Variants in VAV2 observed in about 807,000 individuals in gnomAD.
The protein encoded by VAV2 is vav guanine nucleotide exchange factor 2.
Under a neutral mutation model 132.5 loss-of-function variants are expected in VAV2, and 67 were observed. That is an observed-to-expected ratio of 0.51 (90% CI 0.42 to 0.62). The LOEUF is 0.62. Among genes scored for constraint, VAV2 ranks in the 20% least tolerant of loss-of-function variants. VAV2 has a pLI of 0.00. For synonymous variants in VAV2, 492 were observed against 443.5 expected (o/e 1.11, Z -1.37); for missense variants, 938 against 1,153.6 (o/e 0.81, Z 2.71).
chr9:133,877,154 C>T (rs1295375171), intron 2 of VAV2, among the ~76,000 whole-genome samples: 1 of 152,194 alleles, frequency 6.6e-6, no homozygotes, highest in Non-Finnish European at 1.5e-5. Flanking sequence ...CTGCTAGACC[C>T]CCTTCTGCCA....
chr9:133,965,379 G>A (rs1374919565), intron 1 of VAV2, among the ~76,000 whole-genome samples: 2 of 150,894 alleles, frequency 1.3e-5, no homozygotes, highest in African/African-American at 4.9e-5. Context: ...GGAACCTATA[G>A]TCCCAGCTAC....
At chr9:133,951,880 G>A (rs540651464) in intron 1 of VAV2, among the ~76,000 whole-genome samples, 5 of 152,114 alleles carry the variant, frequency 3.3e-5, no homozygotes, top group Admixed American at 6.5e-5. Context: ...CCCACAGCCC[G>A]GGAAGCTTGT....
chr9:133,791,732 T>C (rs1286952383), intron 13 of VAV2, 51 bp downstream of exon 13: 2 of 1,510,162 alleles, frequency 1.3e-6, no homozygotes, highest in Non-Finnish European at 1.8e-6. Context: ...CGTGACTTTA[T>C]AGGTACGTCC....
chr9:133,960,415 C>G (rs548142697), intron 1 of VAV2, among the ~76,000 whole-genome samples: 1 of 152,324 alleles, frequency 6.6e-6, no homozygotes, highest in African/African-American at 2.4e-5. Flanking sequence ...GGGGACCCCA[C>G]TGGAGCCTCA....
intron 2 of VAV2, among the ~76,000 whole-genome samples, chr9:133,896,459 A>T (rs1839209274): frequency 6.6e-6 from 1 of 152,202 alleles, no homozygotes; most frequent in Non-Finnish European, 1.5e-5. Flanking sequence ...GTCTCAAAAA[A>T]ATAAATAAAT....
rs1834633439 is a variant in VAV2 at position 133,794,613 on chromosome 9, G to A, written c.1101+1055C>T. Among the ~76,000 whole-genome samples the A allele has an allele frequency of 1.3e-5, 2 of 152,228 alleles. No homozygotes were observed. The highest frequency in any genetic ancestry group is 1.3e-4 in the Admixed American group (2 of 15,294). On this transcript the variant is annotated intron_variant, in intron 12 of 29. Transcript: ENST00000371850. This position sits in a 1 kb window ranked among gnomAD's most constrained non-coding sequence, Gnocchi z 4.6. ...AGGGGGCCCAAAGCCCAGGGGGGCT[G>A]CCCAGAGGGCAGGGGCCAGGTGTCA...
At chr9:133,947,992 C>A (rs569878797) in intron 1 of VAV2, among the ~76,000 whole-genome samples, 20 of 152,194 alleles carry the variant, frequency 1.3e-4, no homozygotes, top group Non-Finnish European at 2.8e-4. Flanking sequence ...GCTTTCCCCA[C>A]GTTGGCCAGG....
chr9:133,880,570 G>A (rs1399232110), intron 2 of VAV2, among the ~76,000 whole-genome samples: 1 of 152,200 alleles, frequency 6.6e-6, no homozygotes, highest in African/African-American at 2.4e-5. Flanking sequence ...CCGCCCAGGG[G>A]ACCAAGAGAT....
intron 25 of VAV2, among the ~76,000 whole-genome samples, chr9:133,774,305 A>G (rs996365336): frequency 2.4e-4 from 36 of 152,172 alleles, no homozygotes; most frequent in African/African-American, 8.0e-4. Context: ...GGCAAGGCCC[A>G]TCTTAGCCTC....
intron 9 of VAV2, among the ~76,000 whole-genome samples, chr9:133,798,169 GA>G (rs747509842): frequency 5.1e-4 from 78 of 152,256 alleles, no homozygotes; most frequent in Non-Finnish European, 9.6e-4. Flanking sequence ...ATCCCCCCAG[GA>G]AAGAAGACCC....
At chr9:133,887,370 G>A (rs775965475) in intron 2 of VAV2, among the ~76,000 whole-genome samples, 10 of 152,168 alleles carry the variant, frequency 6.6e-5, no homozygotes, top group Admixed American at 2.0e-4. Flanking sequence ...GCATGCCCCA[G>A]CAGAAGCTGG....
chr9:133,958,703 G>A (rs1841871545), intron 1 of VAV2, among the ~76,000 whole-genome samples: 1 of 152,166 alleles, frequency 6.6e-6, no homozygotes, highest in Non-Finnish European at 1.5e-5. Flanking sequence ...CACCTTACGA[G>A]AAACACCCAC....
intron 4 of VAV2, among the ~76,000 whole-genome samples, chr9:133,812,496 T>G (rs1359020161): frequency 6.6e-6 from 1 of 152,168 alleles, no homozygotes; most frequent in African/African-American, 2.4e-5. Context: ...TCTCCAGCCC[T>G]TTGGTAAATG....
chr9:133,762,757 T>TCC lies in VAV2; in HGVS notation c.*1303_*1304dup, dbSNP rs1833301741. ...GCCAACCTCAGAAGGAGCCCCTAGG[T>TCC]CCCCAGCGCCACCCACAGCAGGGAC... On this transcript the variant is annotated 3_prime_UTR_variant, in exon 30 of 30. Transcript: ENST00000371850. This position sits in a 1 kb window ranked among gnomAD's most constrained non-coding sequence, Gnocchi z 5.0. The TCC allele has an allele frequency of 6.6e-6, 1 of 152,598 alleles. No homozygotes were observed. Among genetic ancestry groups the TCC allele is most frequent in the African/African-American group, 2.4e-5 (1 of 41,512 alleles). The allele number at this position is 152,598 out of a possible 1,614,324, so 9.5% of individuals were successfully genotyped here. A position where few individuals can be genotyped will look rare whatever the true frequency, so the allele number is the denominator to read the frequency against.
intron 4 of VAV2, among the ~76,000 whole-genome samples, chr9:133,821,948 C>A (rs908387563): frequency 6.6e-6 from 1 of 152,222 alleles, no homozygotes; most frequent in African/African-American, 2.4e-5. Context: ...CTGACAGATG[C>A]TAAATCCCGA....
intron 2 of VAV2, among the ~76,000 whole-genome samples, chr9:133,875,681 G>A (rs1020138030): frequency 2.0e-5 from 3 of 152,280 alleles, no homozygotes; most frequent in Middle Eastern, 3.4e-3. Context: ...GAGAAACACC[G>A]CAGGAACACA....
chr9:133,961,052 G>T lies in VAV2; in HGVS notation c.205-21833C>A, dbSNP rs1163393149. Among the ~76,000 whole-genome samples, 1 of 152,224 alleles carries T rather than the reference G, an allele frequency of 6.6e-6. No homozygotes were observed. The highest frequency in any genetic ancestry group is 1.5e-5 in the Non-Finnish European group (1 of 68,036). ...TGGGAGCGCAGGTGAGGGAGCAGGGGCCTCCACTGGCCCACACCCGGCACA... is the reference window on the plus strand; with the variant it reads ...TGGGAGCGCAGGTGAGGGAGCAGGGTCCTCCACTGGCCCACACCCGGCACA... On this transcript the variant is annotated intron_variant, in intron 1 of 29. Coordinates refer to ENST00000371850, the MANE Select transcript of VAV2 (RefSeq NM_001134398.2). This position sits in a 1 kb window ranked among gnomAD's most constrained non-coding sequence, Gnocchi z 4.1.
Position 133,763,806 on chromosome 9 carries a change from C to A in VAV2, c.*256G>T, listed in dbSNP as rs1293978053. The A allele has an allele frequency of 1.2e-5, 6 of 513,768 alleles. No homozygotes were observed. The highest frequency in any genetic ancestry group is 2.1e-5 in the Non-Finnish European group (6 of 283,464). 31.8% of individuals were successfully genotyped at this position (513,768 alleles called of 1,614,324 possible). Reference sequence around the variant, plus strand: ...CTGGCTCGCAGCGCTGTCGGTGCCCCCTCCTCTGCGCTCTGGGTGGGGCTA... The same window carrying A: ...CTGGCTCGCAGCGCTGTCGGTGCCCACTCCTCTGCGCTCTGGGTGGGGCTA... On this transcript the variant is annotated 3_prime_UTR_variant, in exon 30 of 30. Transcript: ENST00000371850. The surrounding 1 kb of genome is among the most constrained non-coding windows in gnomAD (Gnocchi z 6.8).
At chr9:133,799,755 C>T (rs1201328184) in intron 9 of VAV2, among the ~76,000 whole-genome samples, 1 of 151,954 alleles carries the variant, frequency 6.6e-6, no homozygotes, top group East Asian at 1.9e-4. Context: ...TGGAAGCAAT[C>T]GAGAAAAAGG....
Sources: gnomAD v4.1 joint callset for allele counts (sites outside exome capture counted in the v4.1 genomes callset) on GRCh38, gnomAD v4.1.1 for gene constraint, Gnocchi (gnomAD v3.1) non-coding constraint, MANE v1.5 for transcripts, NCBI Gene and HGNC (gene_info 2026-07-23, HGNC 2026-07-21) for gene names.